TRPS1: variants seen among roughly 807,000 people sequenced by gnomAD.
The protein encoded by TRPS1 is zinc finger transcription factor Trps1.
In TRPS1, 6 loss-of-function variants were observed where a neutral mutation model predicts 101.2. The ratio of observed to expected loss-of-function variants is 0.06; its 90% confidence interval spans 0.03 to 0.12. The LOEUF is 0.12. Among genes scored for constraint, TRPS1 ranks in the 10% least tolerant of loss-of-function variants. The pLI is 1.00. For missense variants in TRPS1, 1,363 were observed against 1,567.0 expected (o/e 0.87, Z 2.20); for synonymous variants, 578 against 589.8 (o/e 0.98, Z 0.29).
chr8:115,556,095 A>G (rs961903084), intron 5 of TRPS1, among the ~76,000 whole-genome samples: 35 of 152,132 alleles, frequency 2.3e-4, no homozygotes, highest in African/African-American at 8.2e-4. Context: ...ATATATCCCA[A>G]CTACTCTACA....
At chr8:115,442,252 C>T (rs1278405349) in intron 5 of TRPS1, among the ~76,000 whole-genome samples, 1 of 152,154 alleles carries the variant, frequency 6.6e-6, no homozygotes, top group Non-Finnish European at 1.5e-5. Context: ...CAGCCAACTT[C>T]TCTAAGTACA....
intron 5 of TRPS1, among the ~76,000 whole-genome samples, chr8:115,558,121 C>T (rs1345502489): frequency 6.6e-6 from 1 of 150,986 alleles, no homozygotes; most frequent in Non-Finnish European, 1.5e-5. Flanking sequence ...GCATTTCTTG[C>T]TAACACAGAT....
intron 4 of TRPS1, among the ~76,000 whole-genome samples, chr8:115,587,833 G>GACACAC (rs34198799): frequency 2.0e-5 from 3 of 151,050 alleles, no homozygotes; most frequent in Non-Finnish European, 4.4e-5. Flanking sequence ...GTATAACACA[G>GACACAC]ACACACACAC....
At chr8:115,441,778 C>T (rs1813598698) in intron 5 of TRPS1, among the ~76,000 whole-genome samples, 1 of 152,072 alleles carries the variant, frequency 6.6e-6, no homozygotes, top group African/African-American at 2.4e-5. Flanking sequence ...TTAGAATCCA[C>T]TGGGAAAATA....
chr8:115,520,548 C>A (rs1490376920), intron 5 of TRPS1, among the ~76,000 whole-genome samples: 1 of 151,684 alleles, frequency 6.6e-6, no homozygotes, highest in Non-Finnish European at 1.5e-5. Context: ...TTATTTTTAT[C>A]TGTTAGCACT....
At chr8:115,422,122 T>TAA (rs1206400152) in intron 5 of TRPS1, among the ~76,000 whole-genome samples, 2 of 152,150 alleles carry the variant, frequency 1.3e-5, no homozygotes, top group African/African-American at 4.8e-5. Flanking sequence ...TTCTAAGGAA[T>TAA]AAGCACCTAG....
At chr8:115,538,789 C>A (rs1563586553) in intron 5 of TRPS1, among the ~76,000 whole-genome samples, 1 of 152,080 alleles carries the variant, frequency 6.6e-6, no homozygotes, top group Non-Finnish European at 1.5e-5. Context: ...ATTTCACTGA[C>A]AATTAATCTG....
intron 3 of TRPS1, among the ~76,000 whole-genome samples, chr8:115,614,678 C>T (rs1554598087): frequency 1.3e-5 from 2 of 152,314 alleles, no homozygotes; most frequent in East Asian, 1.9e-4. Flanking sequence ...TGATAAAAGT[C>T]TCATTCACCA....
intron 4 of TRPS1, among the ~76,000 whole-genome samples, chr8:115,598,673 G>C (rs1817842195): frequency 6.6e-6 from 1 of 152,142 alleles, no homozygotes; most frequent in South Asian, 2.1e-4. Context: ...ATGTTTCCCT[G>C]GTCTTCACTT....
At chr8:115,595,767 C>G (rs954177770) in intron 4 of TRPS1, among the ~76,000 whole-genome samples, 1 of 151,810 alleles carries the variant, frequency 6.6e-6, no homozygotes, top group African/African-American at 2.4e-5. Context: ...TATTCCAAGA[C>G]TTGATAACTG....
intron 5 of TRPS1, among the ~76,000 whole-genome samples, chr8:115,562,841 A>G (rs1816976805): frequency 6.6e-6 from 1 of 151,490 alleles, no homozygotes; most frequent in South Asian, 2.1e-4. Flanking sequence ...ATAAACCATG[A>G]AAGAACGCAT....
intron 2 of TRPS1, among the ~76,000 whole-genome samples, chr8:115,622,794 C>T (rs763066559): frequency 2.0e-5 from 3 of 152,080 alleles, no homozygotes; most frequent in Non-Finnish European, 4.4e-5. Flanking sequence ...TAATCTAATT[C>T]ATTAAGGTTA....
At position 115,410,978 on chromosome 8, in the gene TRPS1, A is replaced by G. The variant is rs940483844; in HGVS notation, c.*3045T>C. 2 of 151,832 alleles carry G rather than the reference A, an allele frequency of 1.3e-5. No homozygotes were observed. The highest frequency in any genetic ancestry group is 2.4e-5 in the African/African-American group (1 of 41,430). The allele number at this position is 151,832 out of a possible 1,614,324, so 9.4% of individuals were successfully genotyped here. A position where few individuals can be genotyped will look rare whatever the true frequency, so the allele number is the denominator to read the frequency against. On this transcript the variant is annotated 3_prime_UTR_variant, in exon 7 of 7. Coordinates refer to ENST00000395715, the MANE Select transcript of TRPS1 (RefSeq NM_014112.5). Reference sequence around the variant, plus strand: ...AATTCAGAAATCTTAAATTAAAAAAATAAATTTTATAATATATCTTGAGAG... The same window carrying G: ...AATTCAGAAATCTTAAATTAAAAAAGTAAATTTTATAATATATCTTGAGAG...
intron 5 of TRPS1, among the ~76,000 whole-genome samples, chr8:115,497,467 A>G (rs1251331768): frequency 6.6e-6 from 1 of 151,970 alleles, no homozygotes; most frequent in East Asian, 1.9e-4. Flanking sequence ...GGGGTTTGGG[A>G]CCCCAGCCTT....
chr8:115,668,009 A>T (rs1413593743), intron 1 of TRPS1: 4 of 1,104,258 alleles, frequency 3.6e-6, no homozygotes, highest in Non-Finnish European at 5.3e-6. Context: ...GAGAGAATTA[A>T]AATCAGCCAG....
intron 5 of TRPS1, among the ~76,000 whole-genome samples, chr8:115,538,955 G>C (rs1816387518): frequency 6.6e-6 from 1 of 152,108 alleles, no homozygotes; most frequent in Non-Finnish European, 1.5e-5. Flanking sequence ...CTCTTACCTT[G>C]CATATCTACA....
At chr8:115,451,321 CTCTT>C (rs1284982352) in intron 5 of TRPS1, among the ~76,000 whole-genome samples, 1 of 151,958 alleles carries the variant, frequency 6.6e-6, no homozygotes, top group East Asian at 1.9e-4. Context: ...CATTCATTCT[CTCTT>C]TTTTTTTTCA....
intron 5 of TRPS1, among the ~76,000 whole-genome samples, chr8:115,549,520 C>T (rs529433575): frequency 5.3e-5 from 8 of 152,052 alleles, no homozygotes; most frequent in African/African-American, 7.2e-5. Flanking sequence ...CAAAGATGGA[C>T]GATTAGTAGA....
At position 115,587,124 on chromosome 8, in the gene TRPS1, A is replaced by G. The variant is rs764510392; in HGVS notation, c.2577T>C (p.Ala859=). 1.2e-6 allele frequency: 2 copies of G among 1,614,154 alleles called. No individual in the cohort carries two copies. Among genetic ancestry groups the G allele is most frequent in the Non-Finnish European group, 1.7e-6 (2 of 1,180,028 alleles). The change falls in exon 5 of 7, where the codon GCT becomes GCC. Residue 859 remains alanine (A), a synonymous_variant. Coordinates refer to ENST00000395715, the MANE Select transcript of TRPS1 (RefSeq NM_014112.5). The stretch of plus-strand genomic sequence containing the variant: ...CCTGCAGGAATCCCTTGGTTTCCAC[A>G]GCCAAGCCATAAATAGGTCGCGCCA... ...AHLARPIYGL[A]VETKGFLQGA...
Sources: allele counts gnomAD v4.1 joint callset (sites outside exome capture counted in the v4.1 genomes callset), GRCh38; gene constraint gnomAD v4.1.1; transcripts MANE v1.5; gene names NCBI Gene and HGNC (gene_info 2026-07-23, HGNC 2026-07-21).